Variants in SMCO2 observed in about 807,000 individuals in gnomAD.
SMCO2 encodes the protein single-pass membrane and coiled-coil domain-containing protein 2.
Under a neutral mutation model 29.5 loss-of-function variants are expected in SMCO2, and 25 were observed. The observed-to-expected ratio is 0.85, with a 90% CI of 0.62 to 1.18. The LOEUF is 1.18. Ranked by LOEUF, SMCO2 falls within the 50% of genes most tolerant of loss-of-function variation. SMCO2 has a pLI of 0.00. For synonymous variants in SMCO2, 117 were observed against 123.3 expected, an observed-to-expected ratio of 0.95 and a Z score of 0.34; for missense variants, 348 against 344.5, an observed-to-expected ratio of 1.01 and a Z score of -0.08.
intron 4 of SMCO2, among the ~76,000 whole-genome samples, chr12:27,475,360 A>T (rs111914175): frequency 0.015 from 2,257 of 152,306 alleles, 25 homozygotes; most frequent in South Asian, 0.042. Flanking sequence ...TTTATTAAAC[A>T]TAAAATATGC....
chr12:27,448,528 G>A, the SMCO2 span, among the ~76,000 whole-genome samples: 2 of 152,108 alleles, frequency 1.3e-5, no homozygotes, highest in African/African-American at 2.4e-5. Flanking sequence ...TGCTTTTCTC[G>A]GCATTGTGTC....
At chr12:27,455,410 A>G in the SMCO2 span, among the ~76,000 whole-genome samples, 1 of 152,264 alleles carries the variant, frequency 6.6e-6, no homozygotes. Flanking sequence ...TCCTAGAGGC[A>G]CATTTTCTGG....
At chr12:27,451,411 C>T in the SMCO2 span, among the ~76,000 whole-genome samples, 4 of 152,260 alleles carry the variant, frequency 2.6e-5, no homozygotes, top group Admixed American at 6.5e-5. Flanking sequence ...CAACCTCCCC[C>T]CTGCTGGTCC....
chr12:27,429,479 A>C, the SMCO2 span, among the ~76,000 whole-genome samples: 8 of 8,802 alleles, frequency 9.1e-4, no homozygotes, highest in African/African-American at 2.5e-3. Flanking sequence ...ATAAAATTAC[A>C]AAAAAAAAAA....
intron 4 of SMCO2, among the ~76,000 whole-genome samples, chr12:27,483,028 A>G (rs918089594): frequency 6.6e-6 from 1 of 152,106 alleles, no homozygotes. Flanking sequence ...TGCCCAGCCA[A>G]CTCCTTTTAA....
At chr12:27,472,137 T>C (rs754248025) in intron 2 of SMCO2, among the ~76,000 whole-genome samples, 1 of 152,210 alleles carries the variant, frequency 6.6e-6, no homozygotes, top group Non-Finnish European at 1.5e-5. Flanking sequence ...TATGTGCTAA[T>C]ATGAAATGGA....
chr12:27,466,486 C>T (rs772971291), upstream of SMCO2, among the ~76,000 whole-genome samples: 30 of 152,200 alleles, frequency 2.0e-4, no homozygotes, highest in Non-Finnish European at 3.8e-4. Context: ...CCTTCATTGT[C>T]AGTCTTTGAG....
intron 1 of SMCO2, among the ~76,000 whole-genome samples, chr12:27,467,442 G>A (rs1023358154): frequency 6.6e-6 from 1 of 151,100 alleles, no homozygotes; most frequent in African/African-American, 2.4e-5. Context: ...TTGCTAAAAG[G>A]CAGACATTGG....
intron 7 of SMCO2, among the ~76,000 whole-genome samples, chr12:27,500,745 A>G: frequency 6.6e-6 from 1 of 150,492 alleles, no homozygotes; most frequent in Non-Finnish European, 1.5e-5. Context: ...CCTTCCTAAT[A>G]GAGTATCTTA....
chr12:27,484,513 A>G (rs1048663548), intron 4 of SMCO2, among the ~76,000 whole-genome samples: 5 of 152,112 alleles, frequency 3.3e-5, no homozygotes, highest in African/African-American at 9.7e-5. Context: ...ATATACTGAC[A>G]TTTTTTTCTC....
intron 1 of SMCO2, among the ~76,000 whole-genome samples, chr12:27,468,028 C>T (rs928575293): frequency 3.9e-5 from 6 of 152,066 alleles, no homozygotes; most frequent in Non-Finnish European, 8.8e-5. Context: ...TGCTATTTAC[C>T]TGATGCCATG....
chr12:27,450,191 CA>C, the SMCO2 span, among the ~76,000 whole-genome samples: 1 of 152,128 alleles, frequency 6.6e-6, no homozygotes, highest in South Asian at 2.1e-4. Context: ...ACCTGGTCAC[CA>C]AAACATATTC....
At chr12:27,427,378 G>A in the SMCO2 span, among the ~76,000 whole-genome samples, 1 of 152,092 alleles carries the variant, frequency 6.6e-6, no homozygotes. Flanking sequence ...ATCTGGCCTG[G>A]GGACCACACT....
the SMCO2 span, among the ~76,000 whole-genome samples, chr12:27,445,100 A>G: frequency 6.6e-6 from 1 of 152,190 alleles, no homozygotes; most frequent in Non-Finnish European, 1.5e-5. Context: ...CAGAGAGACA[A>G]ATATCGTATG....
In SMCO2 at chr12:27,472,999, G is replaced by A; in HGVS notation, c.234+124G>A. On this transcript the variant is annotated intron_variant, in intron 3 of 7. Coordinates refer to ENST00000298876, the Ensembl canonical transcript of SMCO2. ...TGAGGGTTTTCTTCTAATTGGTGCA[G>A]AACTTCAAAGCTTGAAATCAGGAGG... 4.2e-6 allele frequency: 3 copies of A among 707,334 alleles called. No homozygotes were observed. The Middle Eastern group carries it at 7.6e-4, about 179-fold the overall frequency. The allele number at this position is 707,334 out of a possible 1,614,324, so 43.8% of individuals were successfully genotyped here. A position where few individuals can be genotyped will look rare whatever the true frequency, so the allele number is the denominator to read the frequency against.
chr12:27,448,368 G>A, the SMCO2 span, among the ~76,000 whole-genome samples: 4 of 152,146 alleles, frequency 2.6e-5, no homozygotes, highest in Non-Finnish European at 4.4e-5. Context: ...TCTCCCAAGC[G>A]GCAAGTCTTT....
intron 4 of SMCO2, among the ~76,000 whole-genome samples, chr12:27,479,163 G>A (rs1192723823): frequency 6.6e-6 from 1 of 152,106 alleles, no homozygotes; most frequent in Non-Finnish European, 1.5e-5. Flanking sequence ...TGATAAGTGG[G>A]ATGGGCCTGT....
intron 1 of SMCO2, among the ~76,000 whole-genome samples, chr12:27,468,974 G>C (rs1949519954): frequency 6.6e-6 from 1 of 152,216 alleles, no homozygotes. Context: ...AGAATGTGTG[G>C]AGGCAGAATT....
chr12:27,484,497 AT>A (rs1457648134), intron 4 of SMCO2, among the ~76,000 whole-genome samples: 1 of 152,202 alleles, frequency 6.6e-6, no homozygotes, highest in Non-Finnish European at 1.5e-5. Context: ...TGCAGAGTAT[AT>A]AATTATATAC....
Sources: gnomAD v4.1 joint callset for allele counts (sites outside exome capture counted in the v4.1 genomes callset) on GRCh38, gnomAD v4.1.1 for gene constraint, MANE v1.5 for transcripts, NCBI Gene and HGNC (gene_info 2026-07-23, HGNC 2026-07-21) for gene names.